Variants in KIF5C observed in about 807,000 individuals in gnomAD.
KIF5C encodes kinesin heavy chain isoform 5C.
A neutral mutation model predicts 125.2 loss-of-function variants in KIF5C; 18 were observed. That is an observed-to-expected ratio of 0.14 (90% CI 0.10 to 0.21). The LOEUF is 0.21. Ranked by LOEUF, KIF5C falls within the 10% of genes least tolerant of loss-of-function variation. The pLI is 1.00. For missense variants in KIF5C, 780 were observed against 1,183.8 expected (o/e 0.66, Z 5.01); for synonymous variants, 405 against 434.0 (o/e 0.93, Z 0.83).
At chr2:148,949,384 A>T (rs902259000) in intron 8 of KIF5C, among the ~76,000 whole-genome samples, 7 of 152,134 alleles carry the variant, frequency 4.6e-5, no homozygotes, top group African/African-American at 1.4e-4. Flanking sequence ...GCCTCTAGTC[A>T]TCTGCCTGAA....
chr2:149,014,918 C>T (rs930207711), intron 25 of KIF5C, among the ~76,000 whole-genome samples: 5 of 151,996 alleles, frequency 3.3e-5, no homozygotes, highest in South Asian at 2.1e-4. Flanking sequence ...CCGGGCATGG[C>T]GGGTCATGCC....
chr2:148,943,196 C>T (rs1402294671), intron 7 of KIF5C, among the ~76,000 whole-genome samples: 1 of 152,128 alleles, frequency 6.6e-6, no homozygotes, highest in East Asian at 1.9e-4. Flanking sequence ...TGGATTTCTG[C>T]CTTCTGTAAA....
intron 11 of KIF5C, among the ~76,000 whole-genome samples, chr2:148,966,005 T>C (rs900519194): frequency 6.6e-5 from 10 of 152,150 alleles, no homozygotes; most frequent in Admixed American, 1.3e-4. Flanking sequence ...ATGGCTGGTG[T>C]GTGTAAACGT....
intron 1 of KIF5C, among the ~76,000 whole-genome samples, chr2:148,900,888 G>T (rs778997093): frequency 6.6e-6 from 1 of 152,186 alleles, no homozygotes; most frequent in Non-Finnish European, 1.5e-5. Flanking sequence ...GTGGGGCAGG[G>T]ACTTGTGTTG....
At position 148,962,095 on chromosome 2, in the gene KIF5C, A is replaced by G; in HGVS notation, c.1093A>G (p.Met365Val). The G allele has an allele frequency of 6.2e-7, 1 of 1,611,074 alleles. No individual in the cohort carries two copies. The highest frequency in any genetic ancestry group is 8.5e-7 in the Non-Finnish European group (1 of 1,178,358). Residue 365 changes from methionine (M) to valine (V), a missense_variant, in exon 11 of 26, where the codon ATG becomes GTG. Coordinates refer to ENST00000435030, the MANE Select transcript of KIF5C (RefSeq NM_004522.3). ...TLKNVIQHLEMELNRWRNGEA... is the reference protein window; with the variant it reads ...TLKNVIQHLEVELNRWRNGEA... ...GAAGAATGTTATCCAGCATCTGGAG[A>G]TGGAGCTAAACAGGTGGAGGAATGG...
chr2:149,020,279 G>T (rs1432115155), intron 25 of KIF5C: 1 of 152,186 alleles, frequency 6.6e-6, no homozygotes, highest in Non-Finnish European at 1.5e-5. Context: ...GGCCTGTAGA[G>T]ATCCTTAACT....
chr2:148,973,576 C>T, intron 12 of KIF5C, 65 bp downstream of exon 12: 2 of 1,501,096 alleles, frequency 1.3e-6, no homozygotes, highest in Non-Finnish European at 1.8e-6. Flanking sequence ...GGTCCCAGCT[C>T]CCTATGGGGC....
At chr2:148,975,752 G>A (rs546890863) in intron 12 of KIF5C, among the ~76,000 whole-genome samples, 1 of 152,358 alleles carries the variant, frequency 6.6e-6, no homozygotes, top group East Asian at 1.9e-4. Flanking sequence ...CAATGACACT[G>A]AGACCTGGGC....
At position 148,875,471 on chromosome 2, in the gene KIF5C, G is replaced by T; in HGVS notation, c.-147G>T. 1 of 649,322 alleles carries T rather than the reference G, an allele frequency of 1.5e-6. No individual in the cohort carries two copies. The highest frequency in any genetic ancestry group is 2.0e-5 in the South Asian group (1 of 51,168). The allele number at this position is 649,322 out of a possible 1,614,324, so 40.2% of individuals were successfully genotyped here. The stretch of plus-strand genomic sequence containing the variant: ...AGCGGCCGGGGCTGCTCAGCCGGCC[G>T]GGCTCGCGATGACCTGCTGAGAAGC... On this transcript the variant is annotated 5_prime_UTR_variant, in exon 1 of 26. Coordinates refer to ENST00000435030, the MANE Select transcript of KIF5C (RefSeq NM_004522.3).
intron 13 of KIF5C, 122 bp from the exon 14 acceptor site, chr2:148,981,233 C>G (rs1277687912): frequency 1.4e-6 from 2 of 1,394,198 alleles, no homozygotes; most frequent in Non-Finnish European, 1.9e-6. Context: ...TTCCCATCAT[C>G]CTGAACTTTT....
chr2:148,991,349 A>G (rs927790296), intron 16 of KIF5C, among the ~76,000 whole-genome samples, 151 bp downstream of exon 16: 2 of 152,160 alleles, frequency 1.3e-5, no homozygotes, highest in African/African-American at 4.8e-5. Flanking sequence ...GCCCAGGTCT[A>G]TTCCTAGGGC....
intron 1 of KIF5C, among the ~76,000 whole-genome samples, chr2:148,880,981 G>T (rs547750917): frequency 1.9e-4 from 28 of 144,838 alleles, no homozygotes; most frequent in African/African-American, 6.7e-4. Flanking sequence ...TCAAGTTGCT[G>T]AGCTTTCCTG....
intron 12 of KIF5C, among the ~76,000 whole-genome samples, chr2:148,978,074 T>C (rs1335652180): frequency 6.6e-6 from 1 of 152,196 alleles, no homozygotes; most frequent in African/African-American, 2.4e-5. Flanking sequence ...ATGTTTCAAA[T>C]TTTATTTGAA....
At chr2:149,002,975 C>T (rs555576541) in intron 21 of KIF5C, among the ~76,000 whole-genome samples, 2 of 152,306 alleles carry the variant, frequency 1.3e-5, no homozygotes, top group South Asian at 2.1e-4. Flanking sequence ...ACGCTGGGCG[C>T]GGTTCCATGC....
intron 16 of KIF5C, among the ~76,000 whole-genome samples, chr2:148,992,097 G>T (rs1007049961): frequency 6.6e-6 from 1 of 152,130 alleles, no homozygotes; most frequent in Non-Finnish European, 1.5e-5. Flanking sequence ...ATAATACTGA[G>T]GCGGACAAAA....
Position 149,024,524 on chromosome 2 carries a change from G to GTGTGTGT in KIF5C, c.*1455_*1461dup, listed in dbSNP as rs1473657739. ...GGTCGAAGGTAGCTCAAGTGTGTGT[G>GTGTGTGT]TGTGTGTGTGTGTGTGTGTGTGTGT... On this transcript the variant is annotated 3_prime_UTR_variant, in exon 26 of 26. Transcript: ENST00000435030. 8.9e-6 allele frequency: 1 copy of GTGTGTGT among 112,422 alleles called. No homozygotes were observed. Among genetic ancestry groups the GTGTGTGT allele is most frequent in the Non-Finnish European group, 1.7e-5 (1 of 59,156 alleles). 7.0% of individuals were successfully genotyped at this position (112,422 alleles called of 1,614,324 possible). A position where few individuals can be genotyped will look rare whatever the true frequency, so the allele number is the denominator to read the frequency against.
rs1326525836 is a variant in KIF5C at position 148,982,700 on chromosome 2, A to AT, written c.1570-916dup. ...TCACTTAGGAAAGGGGGCGACTTAG[A>AT]TTTTCTCTGCTTAGTGTTTTCTATG... On this transcript the variant is annotated intron_variant, in intron 14 of 25. Transcript: ENST00000435030. 9.8e-5 allele frequency among the ~76,000 whole-genome samples: 15 copies of AT among 152,288 alleles called. 1 individual carries two copies. In the Middle Eastern group the frequency reaches 0.014, roughly 138 times the overall value.
chr2:148,965,130 A>G (rs1209729330), intron 11 of KIF5C, among the ~76,000 whole-genome samples: 1 of 152,042 alleles, frequency 6.6e-6, no homozygotes, highest in African/African-American at 2.4e-5. Context: ...GGGATGCTGG[A>G]GGAGAACCAG....
In KIF5C at chr2:148,981,344, C is replaced by A. The variant is rs79198706; in HGVS notation, c.1363-11C>A. On this transcript the variant is annotated splice_polypyrimidine_tract_variant and intron_variant, in intron 13 of 25. Transcript: ENST00000435030. ...TAGATTCACAAGTTCCATGCCATCT[C>A]ATTTCCCCAGCTTTTAGCTTCCACA... The A allele has an allele frequency of 3.3e-4, 531 of 1,602,044 alleles. 7 individuals are homozygous for A. The East Asian group carries it at 0.011, about 33-fold the overall frequency.
Sources: allele counts gnomAD v4.1 joint callset (sites outside exome capture counted in the v4.1 genomes callset), GRCh38; gene constraint gnomAD v4.1.1; transcripts MANE v1.5; gene names NCBI Gene and HGNC (gene_info 2026-07-23, HGNC 2026-07-21).